Variants in MEI4 observed in about 807,000 individuals in gnomAD.
MEI4 encodes meiosis-specific protein MEI4.
In MEI4, 27 loss-of-function variants were observed where a neutral mutation model predicts 31.4. That is an observed-to-expected ratio of 0.86 (90% CI 0.63 to 1.19). The LOEUF is 1.19. MEI4 is among the 50% of genes most tolerant of loss of function. The pLI is 0.00. For synonymous variants in MEI4, 122 were observed against 145.4 expected (o/e 0.84, Z 1.16); for missense variants, 329 against 398.9 (o/e 0.82, Z 1.49).
chr6:77,838,561 A>G (rs1004136370), intron 4 of MEI4, among the ~76,000 whole-genome samples: 15 of 152,216 alleles, frequency 9.9e-5, no homozygotes, highest in African/African-American at 3.4e-4. Flanking sequence ...ACTACAATCT[A>G]TCATTCTCAC....
intron 3 of MEI4, among the ~76,000 whole-genome samples, chr6:77,777,340 C>T (rs995053535): frequency 6.6e-6 from 1 of 152,034 alleles, no homozygotes. Flanking sequence ...CTACTAGTTA[C>T]CTCTGGAAGA....
intron 4 of MEI4, among the ~76,000 whole-genome samples, chr6:77,851,531 G>T (rs1239125696): frequency 6.7e-6 from 1 of 150,098 alleles, no homozygotes; most frequent in Non-Finnish European, 1.5e-5. Context: ...ACTATCGCAA[G>T]GACAAAAAAC....
At chr6:77,749,653 T>C (rs1767713304) in intron 2 of MEI4, among the ~76,000 whole-genome samples, 1 of 152,154 alleles carries the variant, frequency 6.6e-6, no homozygotes, top group Admixed American at 6.6e-5. Context: ...TTGGTGTACC[T>C]GAAAGAGACT....
intron 4 of MEI4, among the ~76,000 whole-genome samples, chr6:77,888,148 C>T (rs978064915): frequency 1.6e-4 from 25 of 151,988 alleles, no homozygotes; most frequent in Non-Finnish European, 2.6e-4. Context: ...TTGTATGCAT[C>T]TTTGAAAGGG....
At chr6:77,827,201 A>G (rs968928873) in intron 3 of MEI4, among the ~76,000 whole-genome samples, 3 of 151,860 alleles carry the variant, frequency 2.0e-5, no homozygotes, top group Admixed American at 1.3e-4. Context: ...TCTACTAAAA[A>G]TACAAAAAAT....
intron 3 of MEI4, among the ~76,000 whole-genome samples, chr6:77,799,965 C>T (rs1470087522): frequency 6.6e-6 from 1 of 152,126 alleles, no homozygotes; most frequent in East Asian, 1.9e-4. Flanking sequence ...TTAGGATTTA[C>T]TTGGCAATGG....
intron 2 of MEI4, among the ~76,000 whole-genome samples, chr6:77,743,323 A>T (rs1280762212): frequency 6.6e-6 from 1 of 152,030 alleles, no homozygotes; most frequent in Non-Finnish European, 1.5e-5. Context: ...GTTCTCCTTG[A>T]AGAGGTCCTT....
At chr6:77,868,717 A>T (rs1376697769) in intron 4 of MEI4, among the ~76,000 whole-genome samples, 3 of 151,626 alleles carry the variant, frequency 2.0e-5, no homozygotes, top group Non-Finnish European at 2.9e-5. Context: ...TTTTCCTCAG[A>T]GTTTAAAAAG....
chr6:77,866,094 C>A (rs1411092253), intron 4 of MEI4, among the ~76,000 whole-genome samples: 1 of 151,898 alleles, frequency 6.6e-6, no homozygotes. Context: ...ATAATAAGAG[C>A]TATCTATGAC....
intron 1 of MEI4, among the ~76,000 whole-genome samples, chr6:77,669,419 G>T (rs1248320910): frequency 2.0e-5 from 3 of 152,142 alleles, no homozygotes; most frequent in Admixed American, 2.0e-4. Context: ...GAACTTTTCT[G>T]CACCATCTTT....
chr6:77,904,654 T>A (rs1766253574), intron 4 of MEI4, among the ~76,000 whole-genome samples: 1 of 152,202 alleles, frequency 6.6e-6, no homozygotes. Context: ...TTCATTTTTA[T>A]GACTGCAGAA....
intron 1 of MEI4, among the ~76,000 whole-genome samples, chr6:77,681,103 G>A (rs926260967): frequency 7.9e-5 from 12 of 152,220 alleles, no homozygotes; most frequent in African/African-American, 2.6e-4. Context: ...TTGCCTTGAA[G>A]CTGAGGCCCT....
intron 4 of MEI4, among the ~76,000 whole-genome samples, chr6:77,864,669 CA>C (rs1478994120): frequency 6.6e-6 from 1 of 152,112 alleles, no homozygotes; most frequent in Non-Finnish European, 1.5e-5. Context: ...TTAGACAGAT[CA>C]ATGAGACAGA....
intron 2 of MEI4, among the ~76,000 whole-genome samples, chr6:77,735,712 G>C (rs896166577): frequency 3.9e-5 from 6 of 152,030 alleles, no homozygotes; most frequent in Non-Finnish European, 8.8e-5. Context: ...GAGGTGCTCT[G>C]ATTTTTAGAG....
At chr6:77,730,172 G>A (rs931492588) in intron 2 of MEI4, among the ~76,000 whole-genome samples, 4 of 152,210 alleles carry the variant, frequency 2.6e-5, no homozygotes, top group African/African-American at 7.2e-5. Flanking sequence ...TGTGTTTGGC[G>A]TGTACAGTGT....
At chr6:77,876,876 A>T (rs900677394) in intron 4 of MEI4, among the ~76,000 whole-genome samples, 11 of 152,170 alleles carry the variant, frequency 7.2e-5, no homozygotes, top group African/African-American at 2.7e-4. Context: ...CAAATTAGAA[A>T]GACAAATAGA....
intron 2 of MEI4, among the ~76,000 whole-genome samples, chr6:77,749,540 G>T (rs7751746): frequency 0.023 from 3,456 of 152,164 alleles, 134 homozygotes; most frequent in African/African-American, 0.078. Context: ...TCAACTCAAT[G>T]AAATAAAGTG....
chr6:77,792,361 A>T (rs1380434123), intron 3 of MEI4, among the ~76,000 whole-genome samples: 2 of 152,152 alleles, frequency 1.3e-5, no homozygotes, highest in African/African-American at 4.8e-5. Context: ...TTTCGGGGGA[A>T]CTTTTTTGGG....
chr6:77,918,105 C>G (rs1162414692), intron 4 of MEI4, among the ~76,000 whole-genome samples: 1 of 150,076 alleles, frequency 6.7e-6, no homozygotes, highest in Non-Finnish European at 1.5e-5. Context: ...TCTGAGGGCT[C>G]TGTTCTGTTC....
Sources: allele counts gnomAD v4.1 joint callset (sites outside exome capture counted in the v4.1 genomes callset), GRCh38; gene constraint gnomAD v4.1.1; transcripts MANE v1.5; gene names NCBI Gene and HGNC (gene_info 2026-07-23, HGNC 2026-07-21).